ITGBL1: variants seen among roughly 807,000 people sequenced by gnomAD.
The protein encoded by ITGBL1 is integrin subunit beta like 1.
Under a neutral mutation model 68.5 loss-of-function variants are expected in ITGBL1, and 51 were observed. The ratio of observed to expected loss-of-function variants is 0.74; its 90% CI spans 0.59 to 0.94. The LOEUF is 0.94. Among genes scored for constraint, ITGBL1 ranks in the 40% least tolerant of loss-of-function variants. The pLI is 0.00. For synonymous variants in ITGBL1, 209 were observed against 227.3 expected, an observed-to-expected ratio of 0.92 and a Z score of 0.72; for missense variants, 649 against 647.4, an observed-to-expected ratio of 1.00 and a Z score of -0.03.
chr13:101,609,299 G>T (rs1255799205), intron 7 of ITGBL1, among the ~76,000 whole-genome samples: 2 of 151,990 alleles, frequency 1.3e-5, no homozygotes, highest in Non-Finnish European at 2.9e-5. Flanking sequence ...GGGTGCTTCT[G>T]GTATCCTTTA....
At chr13:101,594,868 G>C (rs1317604170) in intron 6 of ITGBL1, among the ~76,000 whole-genome samples, 1 of 152,110 alleles carries the variant, frequency 6.6e-6, no homozygotes, top group Non-Finnish European at 1.5e-5. Flanking sequence ...GAGGAAAGGA[G>C]TTGTAGACAA....
intron 7 of ITGBL1, among the ~76,000 whole-genome samples, chr13:101,645,747 A>G (rs1362369744): frequency 6.6e-6 from 1 of 152,188 alleles, no homozygotes; most frequent in Non-Finnish European, 1.5e-5. Flanking sequence ...CATGAGGTTC[A>G]TGCCCCGCAA....
intron 2 of ITGBL1, among the ~76,000 whole-genome samples, chr13:101,562,700 A>C (rs1395144812): frequency 2.0e-5 from 3 of 151,964 alleles, no homozygotes; most frequent in African/African-American, 7.2e-5. Flanking sequence ...AAAGGGGAAA[A>C]AATCCACAAT....
intron 7 of ITGBL1, among the ~76,000 whole-genome samples, chr13:101,643,124 GA>G (rs977593730): frequency 2.9e-4 from 44 of 151,874 alleles, no homozygotes; most frequent in African/African-American, 1.0e-3. Context: ...GCTTGATGGG[GA>G]TGGCATTGGA....
intron 2 of ITGBL1, among the ~76,000 whole-genome samples, chr13:101,512,945 G>C (rs974598133): frequency 3.3e-5 from 5 of 152,070 alleles, no homozygotes; most frequent in Non-Finnish European, 7.4e-5. Flanking sequence ...TCTTTTGTTT[G>C]TGCTGGTGAA....
At chr13:101,617,037 C>T (rs775195142) in intron 7 of ITGBL1, among the ~76,000 whole-genome samples, 2 of 152,048 alleles carry the variant, frequency 1.3e-5, no homozygotes, top group Non-Finnish European at 2.9e-5. Context: ...TAAAAGGGCT[C>T]CATAATATCA....
rs576541963 is a variant in ITGBL1 at position 101,533,332 on chromosome 13, T to C, written c.317-34367T>C. ...CAACATTATCAAGCTTTTCTCCTTCTCTCAAAGAAAATGATTCAGGTAATG... is the reference window on the plus strand; with the variant it reads ...CAACATTATCAAGCTTTTCTCCTTCCCTCAAAGAAAATGATTCAGGTAATG... On this transcript the variant is annotated intron_variant, in intron 2 of 10. Coordinates refer to ENST00000376180, the MANE Select transcript of ITGBL1 (RefSeq NM_004791.3). Among the ~76,000 whole-genome samples the C allele has an allele frequency of 3.9e-5, 6 of 152,284 alleles. No homozygotes were observed. In the East Asian group the frequency reaches 9.7e-4, roughly 25 times the overall value.
intron 7 of ITGBL1, among the ~76,000 whole-genome samples, chr13:101,608,973 G>A (rs956357156): frequency 1.3e-5 from 2 of 151,952 alleles, no homozygotes; most frequent in African/African-American, 2.4e-5. Context: ...TCATGTTATG[G>A]ACATTAAATG....
At position 101,517,184 on chromosome 13, in the gene ITGBL1, A is replaced by T. The variant is rs138343612; in HGVS notation, c.317-50515A>T. On this transcript the variant is annotated intron_variant, in intron 2 of 10. Coordinates refer to ENST00000376180, the MANE Select transcript of ITGBL1 (RefSeq NM_004791.3). Reference sequence around the variant, plus strand: ...TTTATATTTGCATTTCAGGCAAGAGACCAAAAAACTGAATTCCCAACACAG... The same window carrying T: ...TTTATATTTGCATTTCAGGCAAGAGTCCAAAAAACTGAATTCCCAACACAG... Among the ~76,000 whole-genome samples, 257 of 152,196 alleles carry T rather than the reference A, an allele frequency of 1.7e-3. 8 individuals are homozygous for T. In the East Asian group the frequency reaches 0.038, roughly 22 times the overall value.
chr13:101,473,850 A>T (rs2048497803), intron 2 of ITGBL1, among the ~76,000 whole-genome samples: 1 of 152,166 alleles, frequency 6.6e-6, no homozygotes, highest in Admixed American at 6.5e-5. Context: ...CCAGAAGGAA[A>T]CCCACTACCT....
intron 7 of ITGBL1, among the ~76,000 whole-genome samples, chr13:101,681,860 CAG>C (rs1397652452): frequency 6.6e-6 from 1 of 151,484 alleles, no homozygotes; most frequent in Non-Finnish European, 1.5e-5. Flanking sequence ...AGAGAATAGT[CAG>C]AGGGGAAAGG....
In ITGBL1 at chr13:101,674,703, A is replaced by G. The variant is rs9585753; in HGVS notation, c.1016-17882A>G. On this transcript the variant is annotated intron_variant, in intron 7 of 10. Transcript: ENST00000376180. Reference sequence around the variant, plus strand: ...TCTACTTATATAAATTTTTTTGTATATTTCTGGGTTCAAAGTTCATGAGAT... The same window carrying G: ...TCTACTTATATAAATTTTTTTGTATGTTTCTGGGTTCAAAGTTCATGAGAT... 1.2e-3 allele frequency among the ~76,000 whole-genome samples: 176 copies of G among 151,922 alleles called. 1 individual carries two copies. The highest frequency in any genetic ancestry group is 4.0e-3 in the African/African-American group (166 of 41,502).
intron 2 of ITGBL1, among the ~76,000 whole-genome samples, chr13:101,541,504 C>T (rs1270635025): frequency 6.6e-6 from 1 of 151,990 alleles, no homozygotes; most frequent in Non-Finnish European, 1.5e-5. Flanking sequence ...GGATATTAGT[C>T]GAAAATTCTC....
At chr13:101,671,429 T>TTTTTTTG (rs2033360377) in intron 7 of ITGBL1, among the ~76,000 whole-genome samples, 1 of 70,534 alleles carries the variant, frequency 1.4e-5, no homozygotes, top group African/African-American at 4.4e-5. Context: ...TACCTTTGTT[T>TTTTTTTG]TTTTTTTGTT....
intron 2 of ITGBL1, among the ~76,000 whole-genome samples, chr13:101,470,733 A>C (rs1005340262): frequency 6.6e-6 from 1 of 152,156 alleles, no homozygotes; most frequent in African/African-American, 2.4e-5. Flanking sequence ...TAGTCTGGAA[A>C]AAAATTCCTT....
chr13:101,713,864 G>A (rs953438825), intron 9 of ITGBL1: 2 of 152,124 alleles, frequency 1.3e-5, no homozygotes, highest in Non-Finnish European at 2.9e-5. Context: ...ATGACAGAGG[G>A]TCCTGAGGAT....
intron 7 of ITGBL1, among the ~76,000 whole-genome samples, chr13:101,622,578 AG>A (rs1292276427): frequency 6.6e-6 from 1 of 152,202 alleles, no homozygotes; most frequent in Admixed American, 6.6e-5. Flanking sequence ...CTCCATGAGT[AG>A]TGTTGATTTT....
intron 2 of ITGBL1, among the ~76,000 whole-genome samples, chr13:101,533,190 A>G (rs2049512422): frequency 1.3e-5 from 2 of 152,236 alleles, no homozygotes; most frequent in South Asian, 2.1e-4. Flanking sequence ...TATTTCTGCA[A>G]TGAACCTGCT....
chr13:101,583,679 A>C (rs1301145256), intron 6 of ITGBL1, among the ~76,000 whole-genome samples: 2 of 152,208 alleles, frequency 1.3e-5, no homozygotes, highest in Non-Finnish European at 2.9e-5. Context: ...ACAAAAATTT[A>C]AAAAGTAATG....
Sources: gnomAD v4.1 joint callset for allele counts (sites outside exome capture counted in the v4.1 genomes callset) on GRCh38, gnomAD v4.1.1 for gene constraint, MANE v1.5 for transcripts, NCBI Gene and HGNC (gene_info 2026-07-23, HGNC 2026-07-21) for gene names.